Variants in CNTN3 observed in about 807,000 individuals in gnomAD.
The protein encoded by CNTN3 is contactin-3.
CNTN3 carries 60 observed loss-of-function variants against 119.1 expected under a neutral mutation model. The observed-to-expected ratio is 0.50, with a 90% CI of 0.41 to 0.62. CNTN3 has a LOEUF of 0.62. Among genes scored for constraint, CNTN3 ranks in the 20% least tolerant of loss-of-function variants. The probability of loss-of-function intolerance (pLI) is 0.00; values close to 1 mark genes in which losing one functional copy is unlikely to be tolerated. For synonymous variants in CNTN3, 450 were observed against 438.7 expected (o/e 1.03, Z -0.32); for missense variants, 1,101 against 1,242.4 (o/e 0.89, Z 1.71).
At chr3:74,554,897 C>G (rs770347347) in intron 1 of CNTN3, among the ~76,000 whole-genome samples, 18 of 152,148 alleles carry the variant, frequency 1.2e-4, no homozygotes, top group East Asian at 3.9e-4. Context: ...ATCTGAATAC[C>G]CTTTATTGCT....
At chr3:74,392,892 G>A (rs1704950939) in intron 5 of CNTN3, among the ~76,000 whole-genome samples, 1 of 151,996 alleles carries the variant, frequency 6.6e-6, no homozygotes. Flanking sequence ...TTTTACATAT[G>A]TATTCACCTG....
intron 1 of CNTN3, among the ~76,000 whole-genome samples, chr3:74,561,019 C>T (rs1415131375): frequency 1.9e-5 from 2 of 103,856 alleles, no homozygotes; most frequent in African/African-American, 8.0e-5. Flanking sequence ...TACACCGGGA[C>T]CTGTTGTGGG....
At position 74,614,388 on chromosome 3, in the gene CNTN3, T is replaced by C. The variant is rs1575871452; in HGVS notation, c.-81+3A>G. ...CGCCAGGAGTCGGGCATCCCGGACT[T>C]ACCTGGTCTCTGCAGCTCGCCAGAC... On this transcript the variant is annotated splice_donor_region_variant and intron_variant, in intron 1 of 22. Coordinates refer to ENST00000263665, the MANE Select transcript of CNTN3 (RefSeq NM_020872.3). 6.6e-6 allele frequency among the ~76,000 whole-genome samples: 1 copy of C among 151,476 alleles called. No homozygotes were observed. The highest frequency in any genetic ancestry group is 6.6e-5 in the Admixed American group (1 of 15,224).
intron 13 of CNTN3, among the ~76,000 whole-genome samples, chr3:74,323,974 T>G (rs1304815247): frequency 6.6e-6 from 1 of 152,150 alleles, no homozygotes; most frequent in Non-Finnish European, 1.5e-5. Context: ...CAATATCAAA[T>G]GAATTACTAC....
At chr3:74,345,184 T>A (rs1036011849) in intron 11 of CNTN3, among the ~76,000 whole-genome samples, 3 of 152,182 alleles carry the variant, frequency 2.0e-5, no homozygotes, top group South Asian at 2.1e-4. Context: ...CATTTCTTCA[T>A]ACAATATAGA....
intron 4 of CNTN3, among the ~76,000 whole-genome samples, chr3:74,435,447 G>C (rs1168255731): frequency 6.6e-6 from 1 of 152,132 alleles, no homozygotes; most frequent in African/African-American, 2.4e-5. Context: ...GAAATGCTAG[G>C]ATTACAGGCA....
intron 13 of CNTN3, among the ~76,000 whole-genome samples, chr3:74,315,440 T>C (rs1187113483): frequency 1.3e-5 from 2 of 152,174 alleles, no homozygotes; most frequent in African/African-American, 4.8e-5. Context: ...GAACCCTCTC[T>C]TGGGGTCTGG....
intron 11 of CNTN3, among the ~76,000 whole-genome samples, chr3:74,351,549 T>C (rs1703815476): frequency 6.6e-6 from 1 of 152,206 alleles, no homozygotes; most frequent in South Asian, 2.1e-4. Flanking sequence ...CCTTTCCATA[T>C]GCTAAAATTA....
At chr3:74,344,582 C>T (rs979663345) in intron 11 of CNTN3, among the ~76,000 whole-genome samples, 1 of 151,812 alleles carries the variant, frequency 6.6e-6, no homozygotes, top group Admixed American at 6.6e-5. Context: ...CTCGGCCTCC[C>T]GAGTAGCTGG....
At chr3:74,499,012 T>C (rs930566827) in intron 3 of CNTN3, among the ~76,000 whole-genome samples, 4 of 151,856 alleles carry the variant, frequency 2.6e-5, no homozygotes, top group South Asian at 2.1e-4. Context: ...TAATCCATCA[T>C]CATCCCCAAA....
chr3:74,366,808 A>ATATAT (rs1553650589), intron 8 of CNTN3, among the ~76,000 whole-genome samples: 14 of 127,964 alleles, frequency 1.1e-4, no homozygotes, highest in South Asian at 2.5e-4. Context: ...ATATATATAT[A>ATATAT]ACTTGCTCAG....
chr3:74,286,130 T>C (rs1428830330), intron 19 of CNTN3, among the ~76,000 whole-genome samples: 2 of 151,980 alleles, frequency 1.3e-5, no homozygotes, highest in Non-Finnish European at 2.9e-5. Flanking sequence ...GTGTCTAGTC[T>C]GAAGGAACCA....
chr3:74,495,510 G>C (rs1488618490), intron 3 of CNTN3, among the ~76,000 whole-genome samples: 1 of 151,766 alleles, frequency 6.6e-6, no homozygotes, highest in Non-Finnish European at 1.5e-5. Flanking sequence ...ACCAAATACA[G>C]TACTATGTAT....
intron 20 of CNTN3, among the ~76,000 whole-genome samples, chr3:74,272,951 T>G (rs1444861408): frequency 1.3e-5 from 2 of 152,118 alleles, no homozygotes; most frequent in Admixed American, 6.5e-5. Context: ...TAGTTTCCAT[T>G]TTTTTAAATT....
intron 8 of CNTN3, among the ~76,000 whole-genome samples, chr3:74,367,741 AT>A (rs1415055060): frequency 6.6e-6 from 1 of 152,196 alleles, no homozygotes; most frequent in African/African-American, 2.4e-5. Context: ...TTAGCTTTGG[AT>A]TTCCTCATCA....
intron 2 of CNTN3, among the ~76,000 whole-genome samples, chr3:74,504,174 T>C (rs888751341): frequency 1.3e-5 from 2 of 152,162 alleles, no homozygotes; most frequent in Non-Finnish European, 2.9e-5. Flanking sequence ...GCACATACTG[T>C]TTTTCCTTAC....
chr3:74,376,777 C>G (rs1704485756), intron 5 of CNTN3, among the ~76,000 whole-genome samples: 1 of 151,858 alleles, frequency 6.6e-6, no homozygotes, highest in Non-Finnish European at 1.5e-5. Flanking sequence ...GACTTAAAGC[C>G]ACTAAGTTTG....
chr3:74,317,091 T>C (rs550146087), intron 13 of CNTN3, among the ~76,000 whole-genome samples: 1 of 150,948 alleles, frequency 6.6e-6, no homozygotes, highest in Admixed American at 6.6e-5. Context: ...CATTATGTAA[T>C]GGCCTTCTTT....
chr3:74,385,737 T>A (rs78592594), intron 5 of CNTN3, among the ~76,000 whole-genome samples: 4,964 of 152,316 alleles, frequency 0.033, 268 homozygotes, highest in African/African-American at 0.11. Flanking sequence ...TCCATATGCA[T>A]GCTGTGGTTG....
Sources: gnomAD v4.1 joint callset for allele counts (sites outside exome capture counted in the v4.1 genomes callset) on GRCh38, gnomAD v4.1.1 for gene constraint, MANE v1.5 for transcripts, NCBI Gene and HGNC (gene_info 2026-07-23, HGNC 2026-07-21) for gene names.